The following DPP6 variants were observed in gnomAD, a reference collection of about 807,000 sequenced individuals.
DPP6 encodes the protein dipeptidyl peptidase like 6, also known as A-type potassium channel modulatory protein DPP6.
A neutral mutation model predicts 122.6 loss-of-function variants in DPP6; 69 were observed. The ratio of observed to expected loss-of-function variants is 0.56; its 90% CI spans 0.46 to 0.69. The LOEUF is 0.69. Among genes scored for constraint, DPP6 ranks in the 30% least tolerant of loss-of-function variants. DPP6 has a pLI of 0.00. For missense variants in DPP6, 928 were observed against 1,116.9 expected (o/e 0.83, Z 2.41); for synonymous variants, 418 against 433.1 (o/e 0.97, Z 0.43).
intron 6 of DPP6, among the ~76,000 whole-genome samples, chr7:154,643,987 C>T (rs1234714118): frequency 6.6e-6 from 1 of 152,140 alleles, no homozygotes; most frequent in Non-Finnish European, 1.5e-5. Context: ...ATGAGGTGCC[C>T]TGCCAGGCTG....
intron 7 of DPP6, among the ~76,000 whole-genome samples, chr7:154,710,521 C>T (rs750713519): frequency 3.9e-5 from 6 of 152,108 alleles, no homozygotes; most frequent in East Asian, 3.9e-4. Context: ...TGAAACCACT[C>T]GGGACCACAT....
At chr7:154,279,567 A>G (rs1351537124) in intron 1 of DPP6, among the ~76,000 whole-genome samples, 1 of 152,214 alleles carries the variant, frequency 6.6e-6, no homozygotes, top group Non-Finnish European at 1.5e-5. Context: ...AAAAGTCCTC[A>G]TGTGAACGTG....
At chr7:154,469,055 TAG>T (rs1222661278) in intron 2 of DPP6, among the ~76,000 whole-genome samples, 8 of 152,190 alleles carry the variant, frequency 5.3e-5, no homozygotes, top group African/African-American at 1.9e-4. Context: ...CTGGGCCCCT[TAG>T]AGACATGAAG....
chr7:154,742,556 T>C (rs1298531103), intron 8 of DPP6, among the ~76,000 whole-genome samples: 1 of 152,248 alleles, frequency 6.6e-6, no homozygotes, highest in African/African-American at 2.4e-5. Flanking sequence ...TCTCCAGTTT[T>C]TGTTTTACGA....
At chr7:154,642,946 A>C (rs1405366402) in intron 6 of DPP6, among the ~76,000 whole-genome samples, 1 of 152,216 alleles carries the variant, frequency 6.6e-6, no homozygotes, top group Non-Finnish European at 1.5e-5. Context: ...CACCCAGCAA[A>C]GAATTTTGCA....
In DPP6 at chr7:154,677,697, A is replaced by T. The variant is rs184678807; in HGVS notation, c.762+8256A>T. ...ACCATCAGATTTCAGTGTGACAGGG[A>T]GGCCACGTGGGTGGCACTGCAGCAG... is the stretch of plus-strand genomic sequence containing the variant. On this transcript the variant is annotated intron_variant, in intron 7 of 25. Transcript: ENST00000377770. Among the ~76,000 whole-genome samples the T allele has an allele frequency of 8.5e-5, 13 of 152,312 alleles. No homozygotes were observed. The East Asian group carries it at 1.7e-3, about 20-fold the overall frequency.
upstream of DPP6, among the ~76,000 whole-genome samples, chr7:153,883,317 T>C (rs1480042492): frequency 6.6e-6 from 1 of 152,318 alleles, no homozygotes; most frequent in South Asian, 2.1e-4. Context: ...AAAATTAATA[T>C]AGAAATTGAG....
At chr7:154,042,101 A>G (rs1266744941) in intron 1 of DPP6, among the ~76,000 whole-genome samples, 2 of 152,132 alleles carry the variant, frequency 1.3e-5, no homozygotes, top group African/African-American at 4.8e-5. Flanking sequence ...TGAGCATCAA[A>G]TCCTCACACA....
chr7:154,646,045 A>AAAAAAAAAT (rs1554421912), intron 6 of DPP6, among the ~76,000 whole-genome samples: 1 of 147,568 alleles, frequency 6.8e-6, no homozygotes, highest in African/African-American at 2.6e-5. Flanking sequence ...AAAAAAAAAA[A>AAAAAAAAAT]GAAAATACTG....
At chr7:154,808,419 C>G (rs908939740) in intron 16 of DPP6, among the ~76,000 whole-genome samples, 1 of 152,118 alleles carries the variant, frequency 6.6e-6, no homozygotes. Context: ...AACATTAGTG[C>G]CCCAGTCCCC....
chr7:154,334,526 T>A (rs10226871), intron 1 of DPP6, among the ~76,000 whole-genome samples: 4,515 of 152,250 alleles, frequency 0.03, 215 homozygotes, highest in African/African-American at 0.097. Flanking sequence ...CACCATACCA[T>A]GTCTGGAGTC....
intron 16 of DPP6, among the ~76,000 whole-genome samples, chr7:154,850,641 T>C (rs1002737971): frequency 1.1e-4 from 17 of 152,254 alleles, no homozygotes; most frequent in African/African-American, 2.7e-4. Flanking sequence ...TTACTCATTA[T>C]TGATCTCTTC....
chr7:154,834,782 G>A (rs1205306035), intron 16 of DPP6, among the ~76,000 whole-genome samples: 1 of 152,214 alleles, frequency 6.6e-6, no homozygotes, highest in Non-Finnish European at 1.5e-5. Context: ...ATTATCATTT[G>A]TGGGCCAGCG....
At position 154,431,127 on chromosome 7, in the gene DPP6, G is replaced by A. The variant is rs570366266; in HGVS notation, c.244-15087G>A. Among the ~76,000 whole-genome samples the A allele has an allele frequency of 5.6e-4, 85 of 152,272 alleles. 1 individual carries two copies. The highest frequency in any genetic ancestry group is 1.9e-3 in the African/African-American group (79 of 41,558). On this transcript the variant is annotated intron_variant, in intron 1 of 25. Coordinates refer to ENST00000377770, the MANE Select transcript of DPP6 (RefSeq NM_130797.4). The stretch of plus-strand genomic sequence containing the variant: ...TGAAGTCCTCAGAGGAAGGAGGAAC[G>A]CAAAGGCCTGTGTTCAGAACACCGT...
chr7:154,519,536 G>A (rs1826803008), intron 3 of DPP6, among the ~76,000 whole-genome samples: 1 of 152,252 alleles, frequency 6.6e-6, no homozygotes, highest in Non-Finnish European at 1.5e-5. Flanking sequence ...GGAAGGAGTA[G>A]ATGATTCCCT....
chr7:153,990,220 A>C (rs1585141081), intron 1 of DPP6, among the ~76,000 whole-genome samples: 4 of 67,480 alleles, frequency 5.9e-5, no homozygotes, highest in Admixed American at 1.7e-4. Context: ...AGTAAGCCCC[A>C]CCCTCTTCCA....
At chr7:154,561,386 A>T (rs1405301921) in intron 4 of DPP6, among the ~76,000 whole-genome samples, 3 of 152,204 alleles carry the variant, frequency 2.0e-5, no homozygotes, top group Non-Finnish European at 4.4e-5. Context: ...AAAGGATGGA[A>T]ATTATACAAA....
rs890020690 is a variant in DPP6, at chr7:154,373,034, A to G, written c.244-73180A>G. On this transcript the variant is annotated intron_variant, in intron 1 of 25. Transcript: ENST00000377770. The stretch of plus-strand genomic sequence containing the variant: ...CACAGCTCAGTTAGTGCCTCTCGGC[A>G]TCTCCTTCCTGCTGTCTTGCCCTGC... 2.6e-5 allele frequency among the ~76,000 whole-genome samples: 4 copies of G among 152,170 alleles called. No homozygotes were observed. The East Asian group carries it at 5.8e-4, about 22-fold the overall frequency.
chr7:154,275,833 C>T (rs899368412), intron 1 of DPP6, among the ~76,000 whole-genome samples: 3 of 152,212 alleles, frequency 2.0e-5, no homozygotes, highest in African/African-American at 7.2e-5. Flanking sequence ...AACTTAATGG[C>T]CAAGAAGCCA....
Sources: gnomAD v4.1 joint callset for allele counts (sites outside exome capture counted in the v4.1 genomes callset) on GRCh38, gnomAD v4.1.1 for gene constraint, MANE v1.5 for transcripts, NCBI Gene and HGNC (gene_info 2026-07-23, HGNC 2026-07-21) for gene names.